FGF13: variants seen among roughly 807,000 people sequenced by gnomAD.
FGF13 encodes the protein fibroblast growth factor 13.
FGF13 carries 2 observed loss-of-function variants against 19.5 expected under a neutral mutation model. The ratio of observed to expected loss-of-function variants is 0.10; its 90% confidence interval spans 0.04 to 0.32. The LOEUF is 0.32. Ranked by LOEUF, FGF13 falls within the 10% of genes least tolerant of loss-of-function variation. The probability of loss-of-function intolerance (pLI) is 1.00; values close to 1 mark genes in which losing one functional copy is unlikely to be tolerated. For synonymous variants in FGF13, 72 were observed against 76.9 expected, an observed-to-expected ratio of 0.94 and a Z score of 0.33; for missense variants, 113 against 192.7, an observed-to-expected ratio of 0.59 and a Z score of 2.45.
intron 1 of FGF13, among the ~76,000 whole-genome samples, chrX:138,979,380 G>T (rs1769220279): frequency 9.1e-6 from 1 of 110,464 alleles, no homozygotes; most frequent in Non-Finnish European, 1.9e-5. Context: ...AATAAGGGAG[G>T]AGTAGATAAG....
chrX:138,944,810 A>AT (rs1392337523), intron 1 of FGF13, among the ~76,000 whole-genome samples: 1 of 111,160 alleles, frequency 9.0e-6, no homozygotes, highest in Non-Finnish European at 1.9e-5. Flanking sequence ...TAGATATTAA[A>AT]TTTTTTTTAG....
intron 3 of FGF13, among the ~76,000 whole-genome samples, chrX:138,639,035 G>A (rs2124103221): frequency 8.9e-6 from 1 of 111,764 alleles, no homozygotes; most frequent in East Asian, 2.8e-4. Flanking sequence ...GGAGTGTTCT[G>A]TTCTCTGTGT....
At chrX:138,972,210 G>A (rs1348404733) in intron 1 of FGF13, among the ~76,000 whole-genome samples, 1 of 107,429 alleles carries the variant, frequency 9.3e-6, no homozygotes, top group Non-Finnish European at 1.9e-5. Context: ...CAATTCCTTT[G>A]GATATATACC....
intron 1 of FGF13, among the ~76,000 whole-genome samples, chrX:139,054,412 C>T (rs1266806760): frequency 3.6e-5 from 4 of 111,068 alleles, no homozygotes; most frequent in Non-Finnish European, 7.5e-5. Context: ...CGTGAGCCAC[C>T]GCGCCCGGCT....
intron 1 of FGF13, among the ~76,000 whole-genome samples, chrX:138,932,703 A>AGAGT (rs1556302263): frequency 1.1e-5 from 1 of 90,290 alleles, no homozygotes; most frequent in Non-Finnish European, 2.2e-5. Context: ...TCAGGAGTGT[A>AGAGT]GTGTGTGTGT....
intron 1 of FGF13, among the ~76,000 whole-genome samples, chrX:138,913,007 A>G (rs911047825): frequency 3.6e-5 from 4 of 110,408 alleles, no homozygotes; most frequent in Non-Finnish European, 5.7e-5. Flanking sequence ...AAAGAAAACA[A>G]ACCCCTAGCA....
At chrX:138,931,948 C>T (rs148026153) in intron 1 of FGF13, among the ~76,000 whole-genome samples, 5,748 of 110,975 alleles carry the variant, frequency 0.052, 378 homozygotes, top group African/African-American at 0.18. Flanking sequence ...TTCCCATGTC[C>T]ATTCCCCAAC....
At chrX:138,768,932 C>A (rs1437595413) in intron 3 of FGF13, among the ~76,000 whole-genome samples, 1 of 108,743 alleles carries the variant, frequency 9.2e-6, no homozygotes, top group African/African-American at 3.4e-5. Flanking sequence ...TGGGGTCCAG[C>A]ACAGCATACT....
chrX:138,872,917 C>A (rs1175517170), intron 1 of FGF13, among the ~76,000 whole-genome samples: 2 of 111,491 alleles, frequency 1.8e-5, no homozygotes, highest in Non-Finnish European at 3.8e-5. Context: ...AAGAGGGGGA[C>A]AAGGGTCTAC....
intron 3 of FGF13, among the ~76,000 whole-genome samples, chrX:138,657,276 G>A (rs962068969): frequency 5.4e-5 from 6 of 111,762 alleles, no homozygotes; most frequent in Non-Finnish European, 1.1e-4. Flanking sequence ...TGATCCTCCG[G>A]GGTCCCATTT....
chrX:138,748,286 T>G lies in FGF13; in HGVS notation c.218-39358A>C, dbSNP rs1396481247. Among the ~76,000 whole-genome samples, 5 of 111,884 alleles carry G rather than the reference T, an allele frequency of 4.5e-5. No homozygotes were observed. In the East Asian group the frequency reaches 8.5e-4, roughly 19 times the overall value. ...CTAAAGCTCTAACCCCCAATGTGACTGTATTTGAAGACAGGACCTTAAGGG... is the reference window on the plus strand; with the variant it reads ...CTAAAGCTCTAACCCCCAATGTGACGGTATTTGAAGACAGGACCTTAAGGG... On this transcript the variant is annotated intron_variant, in intron 3 of 6. Coordinates refer to the FGF13 transcript ENST00000436198.
chrX:138,981,354 CACAT>C (rs1461932435), intron 1 of FGF13, among the ~76,000 whole-genome samples: 1 of 103,914 alleles, frequency 9.6e-6, no homozygotes, highest in African/African-American at 3.6e-5. Flanking sequence ...CACACACACA[CACAT>C]GCGAACACAA....
chrX:139,032,325 G>C (rs1650022010), intron 1 of FGF13, among the ~76,000 whole-genome samples: 1 of 111,508 alleles, frequency 9.0e-6, no homozygotes, highest in South Asian at 3.8e-4. Context: ...ACCAAACCAC[G>C]CATCTTCCAC....
intron 1 of FGF13, among the ~76,000 whole-genome samples, chrX:138,955,887 C>A (rs902713313): frequency 7.1e-5 from 8 of 112,003 alleles, no homozygotes; most frequent in African/African-American, 2.6e-4. Flanking sequence ...GTTTCTTCCT[C>A]TCCACTTTGG....
At chrX:138,685,040 C>T (rs368258127) in intron 3 of FGF13, among the ~76,000 whole-genome samples, 13 of 111,639 alleles carry the variant, frequency 1.2e-4, no homozygotes, top group African/African-American at 2.9e-4. Context: ...TCTTAGAAAA[C>T]GAAACTTCAA....
At chrX:139,151,626 G>A (rs1392971881) in intron 1 of FGF13, among the ~76,000 whole-genome samples, 3 of 111,625 alleles carry the variant, frequency 2.7e-5, no homozygotes, top group Non-Finnish European at 5.6e-5. Context: ...CGGAAAAAGA[G>A]CAGATTTGGA....
intron 1 of FGF13, chrX:138,990,544 G>A (rs1385139316): frequency 9.1e-6 from 1 of 109,971 alleles, no homozygotes; most frequent in African/African-American, 3.3e-5. Context: ...CAATCATGGA[G>A]GAAGGCAAGC....
At chrX:138,989,311 T>G (rs1057453686) in intron 1 of FGF13, among the ~76,000 whole-genome samples, 1 of 111,800 alleles carries the variant, frequency 8.9e-6, no homozygotes, top group Non-Finnish European at 1.9e-5. Context: ...CAGGAGGCTA[T>G]GGCGATCACA....
At chrX:138,972,419 C>T (rs762899727) in intron 1 of FGF13, among the ~76,000 whole-genome samples, 1 of 103,955 alleles carries the variant, frequency 9.6e-6, no homozygotes, top group Admixed American at 1.0e-4. Flanking sequence ...TGCAGTGGCG[C>T]GACCTCGGCT....
Sources: allele counts gnomAD v4.1 joint callset (sites outside exome capture counted in the v4.1 genomes callset), GRCh38; gene constraint gnomAD v4.1.1; transcripts MANE v1.5; gene names NCBI Gene and HGNC (gene_info 2026-07-23, HGNC 2026-07-21).